The following KIAA0319L variants were observed in gnomAD, a reference collection of about 807,000 sequenced individuals.
The protein encoded by KIAA0319L is dyslexia-associated protein KIAA0319-like protein.
KIAA0319L carries 55 observed loss-of-function variants against 120.1 expected under a neutral mutation model. The observed-to-expected ratio is 0.46, with a 90% CI of 0.37 to 0.57. The LOEUF (loss-of-function observed/expected upper bound fraction) is 0.57, where lower values mean the gene tolerates loss of function less well. Among genes scored for constraint, KIAA0319L ranks in the 20% least tolerant of loss-of-function variants. KIAA0319L has a pLI of 0.00. For missense variants in KIAA0319L, 1,049 were observed against 1,255.3 expected (o/e 0.84, Z 2.48); for synonymous variants, 398 against 471.9 (o/e 0.84, Z 2.03).
intron 2 of KIAA0319L, among the ~76,000 whole-genome samples, chr1:35,523,337 C>T (rs1016486983): frequency 6.6e-6 from 1 of 152,142 alleles, no homozygotes; most frequent in African/African-American, 2.4e-5. Context: ...ATTCTTTTAC[C>T]CCTGCATCTC....
intron 3 of KIAA0319L, among the ~76,000 whole-genome samples, chr1:35,497,468 G>C (rs945735834): frequency 2.6e-5 from 4 of 152,148 alleles, no homozygotes; most frequent in African/African-American, 9.7e-5. Context: ...GAGGGGGTGA[G>C]AGGGACAGAT....
intron 2 of KIAA0319L, among the ~76,000 whole-genome samples, chr1:35,542,952 C>T (rs1571017462): frequency 6.6e-6 from 1 of 152,090 alleles, no homozygotes; most frequent in East Asian, 1.9e-4. Context: ...TTTTCTCATC[C>T]CTCTTCATTT....
At chr1:35,449,649 C>A (rs1021142810) in intron 15 of KIAA0319L, among the ~76,000 whole-genome samples, 1 of 152,154 alleles carries the variant, frequency 6.6e-6, no homozygotes, top group African/African-American at 2.4e-5. Flanking sequence ...GTTTCTCCAT[C>A]TGAGATGAAT....
chr1:35,536,435 G>GC (rs375309308), intron 2 of KIAA0319L, among the ~76,000 whole-genome samples: 35 of 152,286 alleles, frequency 2.3e-4, no homozygotes, highest in African/African-American at 7.5e-4. Context: ...TCTGAACAAA[G>GC]CAACAGTGGA....
chr1:35,484,767 CATATATATATATATATATATATAT>C (rs56318513), intron 3 of KIAA0319L, among the ~76,000 whole-genome samples: 3 of 51,524 alleles, frequency 5.8e-5, no homozygotes, highest in African/African-American at 1.4e-4. Flanking sequence ...AGTTTTTAAT[CATATATATATATATATATATATAT>C]ATATATATAT....
At chr1:35,547,320 TTA>T (rs370997235) in intron 2 of KIAA0319L, among the ~76,000 whole-genome samples, 14 of 148,440 alleles carry the variant, frequency 9.4e-5, no homozygotes, top group Non-Finnish European at 1.0e-4. Flanking sequence ...CATATATACA[TTA>T]TATATATATA....
intron 8 of KIAA0319L, among the ~76,000 whole-genome samples, chr1:35,461,608 G>T (rs1336139336): frequency 6.6e-6 from 1 of 152,062 alleles, no homozygotes; most frequent in Non-Finnish European, 1.5e-5. Context: ...TCTCTAAAAG[G>T]ATTCATAAAA....
chr1:35,542,592 C>T (rs907071016), intron 2 of KIAA0319L, among the ~76,000 whole-genome samples: 2 of 152,148 alleles, frequency 1.3e-5, no homozygotes, highest in Admixed American at 6.6e-5. Context: ...CAAGAGCTAT[C>T]CATTCTGACC....
intron 3 of KIAA0319L, among the ~76,000 whole-genome samples, chr1:35,501,643 G>A (rs188982059): frequency 6.6e-6 from 1 of 152,226 alleles, no homozygotes; most frequent in East Asian, 1.9e-4. Flanking sequence ...TTGGGAGGCC[G>A]AGGCAGGCAG....
At chr1:35,516,809 C>G (rs1245713772) in intron 2 of KIAA0319L, among the ~76,000 whole-genome samples, 1 of 152,164 alleles carries the variant, frequency 6.6e-6, no homozygotes, top group Non-Finnish European at 1.5e-5. Flanking sequence ...GAAAACCCCA[C>G]AGTCTCGGCC....
At chr1:35,518,729 C>G (rs1645785000) in intron 2 of KIAA0319L, among the ~76,000 whole-genome samples, 1 of 152,074 alleles carries the variant, frequency 6.6e-6, no homozygotes, top group African/African-American at 2.4e-5. Context: ...ATTGGCCAGG[C>G]ACAGTGGCTC....
chr1:35,441,727 C>T lies in KIAA0319L; in HGVS notation c.2870+519G>A, dbSNP rs576996146. ...GAAATAATATTATTAATAATGAAAA[C>T]ATAAAATAAATGTAACCATTCCATC... is the stretch of plus-strand genomic sequence containing the variant. On this transcript the variant is annotated intron_variant, in intron 19 of 20. Transcript: ENST00000325722. Among the ~76,000 whole-genome samples the T allele has an allele frequency of 3.3e-5, 5 of 151,910 alleles. No individual in the cohort carries two copies. In the South Asian group the frequency reaches 1.0e-3, roughly 32 times the overall value.
intron 4 of KIAA0319L, among the ~76,000 whole-genome samples, chr1:35,475,305 C>A (rs1276093391): frequency 6.6e-6 from 1 of 152,100 alleles, no homozygotes; most frequent in African/African-American, 2.4e-5. Flanking sequence ...ATACTACATT[C>A]CACAGAGTTC....
chr1:35,512,319 C>A (rs1645482745), intron 2 of KIAA0319L, among the ~76,000 whole-genome samples: 2 of 56,110 alleles, frequency 3.6e-5, no homozygotes, highest in Non-Finnish European at 3.2e-5. Flanking sequence ...AAATAAAAGC[C>A]AAACTTTGAC....
At chr1:35,484,790 ATATATATATATATATATT>A (rs1217194923) in intron 3 of KIAA0319L, among the ~76,000 whole-genome samples, 568 of 55,598 alleles carry the variant, frequency 0.01, 13 homozygotes, top group African/African-American at 0.039. Context: ...ATATATATAT[ATATATATATATATATATT>A]TTTTTTTTTA....
chr1:35,470,412 G>C (rs1643545320), intron 6 of KIAA0319L, among the ~76,000 whole-genome samples: 1 of 147,842 alleles, frequency 6.8e-6, no homozygotes, highest in African/African-American at 2.5e-5. Flanking sequence ...AGGATTGCTT[G>C]AGCCTGGGAA....
chr1:35,448,870 A>T (rs1473055707), intron 15 of KIAA0319L, among the ~76,000 whole-genome samples: 1 of 152,234 alleles, frequency 6.6e-6, no homozygotes, highest in Non-Finnish European at 1.5e-5. Flanking sequence ...CCAAGACACA[A>T]GGATTTCCTT....
At chr1:35,500,319 C>T (rs146314486) in intron 3 of KIAA0319L, among the ~76,000 whole-genome samples, 391 of 152,306 alleles carry the variant, frequency 2.6e-3, no homozygotes, top group African/African-American at 8.9e-3. Context: ...ATACTGTACA[C>T]GTTCCAGGAC....
At position 35,507,032 on chromosome 1, in the gene KIAA0319L, G is replaced by T; in HGVS notation, c.246C>A (p.Leu82=). The T allele has an allele frequency of 6.2e-7, 1 of 1,608,330 alleles. No individual in the cohort carries two copies. Among genetic ancestry groups the T allele is most frequent in the African/African-American group, 1.3e-5 (1 of 74,832 alleles). Residue 82 remains leucine (L), a synonymous_variant, in exon 3 of 21, where the codon CTC becomes CTA. Transcript: ENST00000325722. ...HLWLLEGTPS[L]QSCWAACCQD... is the part of the protein sequence containing the mutation. ...GGCAGCAGGCAGCCCAACATGACTGGAGAGAGGGGGTTCCTTCAAGAAGCC... is the reference window on the plus strand; with the variant it reads ...GGCAGCAGGCAGCCCAACATGACTGTAGAGAGGGGGTTCCTTCAAGAAGCC...
Sources: gnomAD v4.1 joint callset for allele counts (sites outside exome capture counted in the v4.1 genomes callset) on GRCh38, gnomAD v4.1.1 for gene constraint, MANE v1.5 for transcripts, NCBI Gene and HGNC (gene_info 2026-07-23, HGNC 2026-07-21) for gene names.